The following CMSS1 variants were observed in gnomAD, a reference collection of about 807,000 sequenced individuals.
CMSS1 encodes protein CMSS1.
CMSS1 carries 33 observed loss-of-function variants against 43.5 expected under a neutral mutation model. The ratio of observed to expected loss-of-function variants is 0.76; its 90% CI spans 0.57 to 1.01. The LOEUF is 1.01. Among genes scored for constraint, CMSS1 ranks in the 50% least tolerant of loss-of-function variants. CMSS1 has a pLI of 0.00. For synonymous variants in CMSS1, 115 were observed against 117.2 expected (o/e 0.98, Z 0.12); for missense variants, 313 against 326.4 (o/e 0.96, Z 0.32).
chr3:99,911,155 T>C (rs142608314), intron 1 of CMSS1, among the ~76,000 whole-genome samples: 149 of 152,262 alleles, frequency 9.8e-4, no homozygotes, highest in Non-Finnish European at 1.6e-3. Context: ...GAGATTTATT[T>C]TTCCATTTGC....
intron 1 of CMSS1, among the ~76,000 whole-genome samples, chr3:99,896,703 A>G (rs1706266248): frequency 1.3e-5 from 2 of 152,202 alleles, no homozygotes; most frequent in South Asian, 4.1e-4. Flanking sequence ...GTGTTGATTC[A>G]TTTGTTGCCA....
At chr3:100,150,287 G>A (rs1390309119) in intron 2 of CMSS1, among the ~76,000 whole-genome samples, 2 of 152,078 alleles carry the variant, frequency 1.3e-5, no homozygotes, top group Non-Finnish European at 1.5e-5. Context: ...GCTCTTATTT[G>A]GCAGATATGA....
At chr3:99,862,378 T>C (rs1358471824) in intron 1 of CMSS1, among the ~76,000 whole-genome samples, 1 of 152,234 alleles carries the variant, frequency 6.6e-6, no homozygotes, top group African/African-American at 2.4e-5. Context: ...ATGAAAGATA[T>C]GACTACATAA....
chr3:100,080,237 C>A (rs115254922), intron 1 of CMSS1, among the ~76,000 whole-genome samples: 347 of 152,256 alleles, frequency 2.3e-3, no homozygotes, highest in African/African-American at 8.1e-3. Flanking sequence ...CCTGCCTTGG[C>A]CTCCCAAAGT....
chr3:99,941,164 C>T (rs567457719), intron 1 of CMSS1, among the ~76,000 whole-genome samples: 5 of 152,122 alleles, frequency 3.3e-5, no homozygotes, highest in Admixed American at 6.5e-5. Flanking sequence ...CCAAATAATA[C>T]GATTCATTCT....
chr3:99,945,514 A>G (rs74557702), intron 1 of CMSS1, among the ~76,000 whole-genome samples: 407 of 152,238 alleles, frequency 2.7e-3, no homozygotes, highest in African/African-American at 8.7e-3. Flanking sequence ...TAAGTAAATA[A>G]ATGGATGTCA....
At chr3:99,907,148 G>T (rs1273148530) in intron 1 of CMSS1, among the ~76,000 whole-genome samples, 4 of 152,156 alleles carry the variant, frequency 2.6e-5, no homozygotes, top group Non-Finnish European at 5.9e-5. Flanking sequence ...CTTCAACTCA[G>T]ATCTTCAGCT....
intron 1 of CMSS1, among the ~76,000 whole-genome samples, chr3:100,099,353 T>C (rs188513885): frequency 5.9e-5 from 9 of 152,322 alleles, no homozygotes; most frequent in Admixed American, 5.9e-4. Context: ...ATCAGAATTA[T>C]GCATATGTGC....
rs565600146 is a variant in CMSS1 at position 100,167,671 on chromosome 3, G to C, written c.416-67G>C. 109 of 910,008 alleles carry C rather than the reference G, an allele frequency of 1.2e-4. No homozygotes were observed. In the Admixed American group the frequency reaches 2.3e-3, roughly 19 times the overall value. The allele number at this position is 910,008 out of a possible 1,614,324, so 56.4% of individuals were successfully genotyped here. A position where few individuals can be genotyped will look rare whatever the true frequency, so the allele number is the denominator to read the frequency against. Reference sequence around the variant, plus strand: ...TTTAAATACTCAACAAAGAAGAAATGCTCAACTTGGGAGGTGTGCCCTGTT... The same window carrying C: ...TTTAAATACTCAACAAAGAAGAAATCCTCAACTTGGGAGGTGTGCCCTGTT... On this transcript the variant is annotated intron_variant, in intron 5 of 9. Transcript: ENST00000421999.
At chr3:100,098,969 A>C (rs113824460) in intron 1 of CMSS1, among the ~76,000 whole-genome samples, 228 of 152,322 alleles carry the variant, frequency 1.5e-3, no homozygotes, top group African/African-American at 5.1e-3. Flanking sequence ...TCAGCCATGC[A>C]TGGGATGTGG....
At chr3:100,140,303 G>A (rs2066794375) in intron 1 of CMSS1, among the ~76,000 whole-genome samples, 1 of 151,904 alleles carries the variant, frequency 6.6e-6, no homozygotes, top group Non-Finnish European at 1.5e-5. Flanking sequence ...TATTATTTTG[G>A]TAAGAGGTCT....
chr3:99,904,441 C>G (rs1401186277), intron 1 of CMSS1, among the ~76,000 whole-genome samples: 9 of 152,156 alleles, frequency 5.9e-5, no homozygotes, highest in Admixed American at 5.2e-4. Flanking sequence ...TTTGAATTAT[C>G]AAATTAAAAT....
intron 1 of CMSS1, among the ~76,000 whole-genome samples, chr3:99,983,795 G>A (rs149575723): frequency 0.012 from 1,873 of 151,650 alleles, 31 homozygotes; most frequent in African/African-American, 0.042. Context: ...TAGCTAGCAA[G>A]AAAAGTAAAA....
At chr3:99,964,357 T>C (rs1417153593) in intron 1 of CMSS1, 8 of 149,066 alleles carry the variant, frequency 5.4e-5, no homozygotes, top group South Asian at 2.2e-4. Flanking sequence ...ACTTAGGGAT[T>C]TCTAAGTCTC....
At chr3:100,075,886 G>A (rs34922392) in intron 1 of CMSS1, among the ~76,000 whole-genome samples, 1 of 151,932 alleles carries the variant, frequency 6.6e-6, no homozygotes, top group South Asian at 2.1e-4. Context: ...TAATCCTTCT[G>A]GGGTATTAGG....
chr3:99,983,460 G>GTGTGTA (rs1164514672), intron 1 of CMSS1, among the ~76,000 whole-genome samples: 2 of 69,492 alleles, frequency 2.9e-5, no homozygotes, highest in Non-Finnish European at 4.9e-5. Context: ...ATATATATAT[G>GTGTGTA]TGTGTATATA....
intron 9 of CMSS1, among the ~76,000 whole-genome samples, 179 bp from the exon 10 acceptor site, chr3:100,178,120 AAATAAT>A (rs911264527): frequency 1.6e-4 from 24 of 152,208 alleles, no homozygotes; most frequent in Admixed American, 9.8e-4. Context: ...CTCTGTCTCA[AAATAAT>A]AATAATAATA....
intron 1 of CMSS1, among the ~76,000 whole-genome samples, chr3:99,839,664 A>G (rs959204852): frequency 2.0e-5 from 3 of 152,234 alleles, no homozygotes; most frequent in Non-Finnish European, 4.4e-5. Context: ...CTAGTTTAGA[A>G]TTCAGGTATC....
chr3:99,897,392 C>G (rs1428818732), intron 1 of CMSS1, among the ~76,000 whole-genome samples: 1 of 151,918 alleles, frequency 6.6e-6, no homozygotes, highest in Non-Finnish European at 1.5e-5. Context: ...AGTTGGCTTA[C>G]TTGTTCTATA....
Sources: gnomAD v4.1 joint callset for allele counts (sites outside exome capture counted in the v4.1 genomes callset) on GRCh38, gnomAD v4.1.1 for gene constraint, MANE v1.5 for transcripts, NCBI Gene and HGNC (gene_info 2026-07-23, HGNC 2026-07-21) for gene names.